VAX1: variants seen among roughly 807,000 people sequenced by gnomAD.
VAX1 encodes the protein ventral anterior homeobox 1.
Under a neutral mutation model 17.6 loss-of-function variants are expected in VAX1, and 6 were observed. The ratio of observed to expected loss-of-function variants is 0.34; its 90% CI spans 0.19 to 0.67. VAX1 has a LOEUF of 0.67. VAX1 is among the 30% of genes least tolerant of loss of function. The pLI is 0.69. For missense variants in VAX1, 408 were observed against 463.7 expected (o/e 0.88, Z 1.10); for synonymous variants, 256 against 227.4 (o/e 1.13, Z -1.13).
At chr10:117,129,865 A>G (rs1290304143), downstream of VAX1, 1 of 151,730 alleles carries the variant, frequency 6.6e-6, no homozygotes, top group Non-Finnish European at 1.5e-5. Flanking sequence ...AGGAAAAAAA[A>G]AGGAAGGAGG....
In VAX1 at chr10:117,134,931, G is replaced by T. The variant is rs189554716; in HGVS notation, c.430-348C>A. Among the ~76,000 whole-genome samples the T allele has an allele frequency of 6.6e-6, 1 of 152,154 alleles. No individual in the cohort carries two copies. Among genetic ancestry groups the T allele is most frequent in the Non-Finnish European group, 1.5e-5 (1 of 68,046 alleles). On this transcript the variant is annotated intron_variant, in intron 2 of 2. Transcript: ENST00000369206. The surrounding 1 kb of genome is among the most constrained non-coding windows in gnomAD (Gnocchi z 6.2). ...GCGCTACCCCGCAGCGGTGTTTGGGGCTCACAGATGTGTGAATCAGTGCAG... is the reference window on the plus strand; with the variant it reads ...GCGCTACCCCGCAGCGGTGTTTGGGTCTCACAGATGTGTGAATCAGTGCAG...
At chr10:117,132,281 TTTC>T (rs754951359), downstream of VAX1, 6 of 1,614,024 alleles carry the variant, frequency 3.7e-6, no homozygotes, top group East Asian at 6.7e-5. This position sits in a 1 kb window ranked among gnomAD's most constrained non-coding sequence, Gnocchi z 4.9. Flanking sequence ...CTTTCTTCCT[TTTC>T]TTCTTTTGTT....
downstream of VAX1, chr10:117,129,479 TC>T (rs1481572002): frequency 1.3e-5 from 2 of 152,636 alleles, no homozygotes; most frequent in Non-Finnish European, 2.9e-5. Context: ...CTAAAATCCT[TC>T]AAGAAATCTT....
In VAX1 at chr10:117,136,597, T is replaced by G. The variant is rs2133662676; in HGVS notation, c.304A>C (p.Arg102=). 1 of 1,613,728 alleles carries G rather than the reference T, an allele frequency of 6.2e-7. No homozygotes were observed. The highest frequency in any genetic ancestry group is 1.3e-5 in the African/African-American group (1 of 75,034). ...PKGLDLDRPK[R]TRTSFTAEQL... is the part of the protein sequence containing the mutation. ...TCCGCGGTGAAGGACGTGCGCGTCCTCTTAGGCCGGTCCAAGTCCAGGCCC... is the reference window on the plus strand; with the variant it reads ...TCCGCGGTGAAGGACGTGCGCGTCCGCTTAGGCCGGTCCAAGTCCAGGCCC... The change falls in exon 2 of 3, where the codon AGG becomes CGG. Residue 102 remains arginine (R), a synonymous_variant. Coordinates refer to ENST00000369206, the MANE Select transcript of VAX1 (RefSeq NM_001112704.2). This position sits in a 1 kb window ranked among gnomAD's most constrained non-coding sequence, Gnocchi z 5.0.
At chr10:117,135,379 A>G (rs891484698) in intron 2 of VAX1, among the ~76,000 whole-genome samples, 1 of 152,194 alleles carries the variant, frequency 6.6e-6, no homozygotes, top group Non-Finnish European at 1.5e-5. Flanking sequence ...TGGATTGAAT[A>G]TTCCCCACTA....
chr10:117,131,653 C>G (rs1434635410), downstream of VAX1: 1 of 152,402 alleles, frequency 6.6e-6, no homozygotes, highest in Admixed American at 6.5e-5. Flanking sequence ...GCGCGGACTT[C>G]GCCCCGTGCT....
In VAX1 at chr10:117,137,696, C is replaced by A; in HGVS notation, c.241+120G>T. 1 of 1,578,566 alleles carries A rather than the reference C, an allele frequency of 6.3e-7. No individual in the cohort carries two copies. Among genetic ancestry groups the A allele is most frequent in the South Asian group, 1.1e-5 (1 of 88,646 alleles). Reference sequence around the variant, plus strand: ...CCGGACTCGGGGCGGGGAGGGCCAACAACTTTCTCCCAAGTCCCAGCCGGC... The same window carrying A: ...CCGGACTCGGGGCGGGGAGGGCCAAAAACTTTCTCCCAAGTCCCAGCCGGC... On this transcript the variant is annotated intron_variant, in intron 1 of 2. Coordinates refer to ENST00000369206, the MANE Select transcript of VAX1 (RefSeq NM_001112704.2). The surrounding 1 kb of genome is among the most constrained non-coding windows in gnomAD (Gnocchi z 7.4).
Position 117,136,397 on chromosome 10 carries a change from GT to G in VAX1, c.429+74del. On this transcript the variant is annotated intron_variant, in intron 2 of 2. Coordinates refer to ENST00000369206, the MANE Select transcript of VAX1 (RefSeq NM_001112704.2). This position sits in a 1 kb window ranked among gnomAD's most constrained non-coding sequence, Gnocchi z 5.0. The stretch of plus-strand genomic sequence containing the variant: ...AGTTCTGTCCAGAGCAGGTTAGGAG[GT>G]GAAGAGCAGGCTAGGTAGGGGTGGT... 2 of 1,576,926 alleles carry G rather than the reference GT, an allele frequency of 1.3e-6. No individual in the cohort carries two copies. The highest frequency in any genetic ancestry group is 4.5e-5 in the East Asian group (2 of 44,348).
chr10:117,134,793 C>T lies in VAX1; in HGVS notation c.430-210G>A, dbSNP rs1306048604. ...GGGACACAGCTGCTCCACCGGGCTG[C>T]GCTTCCGGGTCAGGGAAGCAGGCCC... On this transcript the variant is annotated intron_variant, in intron 2 of 2. Transcript: ENST00000369206. The surrounding 1 kb of genome is among the most constrained non-coding windows in gnomAD (Gnocchi z 6.2). 6.6e-6 allele frequency among the ~76,000 whole-genome samples: 1 copy of T among 152,064 alleles called. No homozygotes were observed. Among genetic ancestry groups the T allele is most frequent in the Non-Finnish European group, 1.5e-5 (1 of 68,002 alleles).
rs1854178061 is a variant in VAX1, at chr10:117,136,340, C to G, written c.429+132G>C. Reference sequence around the variant, plus strand: ...AAGGAATCCTTAGGCCTGTCTTACCCATCCTTCCCATCTCCTCCACCTCCC... The same window carrying G: ...AAGGAATCCTTAGGCCTGTCTTACCGATCCTTCCCATCTCCTCCACCTCCC... On this transcript the variant is annotated intron_variant, in intron 2 of 2. Transcript: ENST00000369206. The surrounding 1 kb of genome is among the most constrained non-coding windows in gnomAD (Gnocchi z 5.0). The G allele has an allele frequency of 1.9e-6, 2 of 1,080,756 alleles. No individual in the cohort carries two copies. Among genetic ancestry groups the G allele is most frequent in the Admixed American group, 5.4e-5 (2 of 36,714 alleles). 66.9% of individuals were successfully genotyped at this position (1,080,756 alleles called of 1,614,324 possible).
Position 117,133,785 on chromosome 10 carries a change from G to A in VAX1, c.*223C>T. The A allele has an allele frequency of 4.6e-6, 6 of 1,310,980 alleles. No homozygotes were observed. Among genetic ancestry groups the A allele is most frequent in the South Asian group, 4.2e-5 (2 of 47,940 alleles). The allele number at this position is 1,310,980 out of a possible 1,614,324, so 81.2% of individuals were successfully genotyped here. A position where few individuals can be genotyped will look rare whatever the true frequency, so the allele number is the denominator to read the frequency against. ...TTTGGATCGCTCCTGGATTCAGAAG[G>A]AAGTTGGGGGTTGGGGAGGAATCTC... is the stretch of plus-strand genomic sequence containing the variant. On this transcript the variant is annotated 3_prime_UTR_variant, in exon 3 of 3. Coordinates refer to ENST00000369206, the MANE Select transcript of VAX1 (RefSeq NM_001112704.2).
At position 117,134,596 on chromosome 10, in the gene VAX1, G is replaced by T; in HGVS notation, c.430-13C>A. ...ACCAGACCTTCACCTGCGCGCCGGG[G>T]TGCGGGGAGAGTTGGAGAGAGGGGC... On this transcript the variant is annotated splice_polypyrimidine_tract_variant and intron_variant, in intron 2 of 2. Transcript: ENST00000369206. This position sits in a 1 kb window ranked among gnomAD's most constrained non-coding sequence, Gnocchi z 6.2. 6.6e-7 allele frequency: 1 copy of T among 1,515,044 alleles called. No homozygotes were observed. The highest frequency in any genetic ancestry group is 1.2e-5 in the South Asian group (1 of 81,914). The allele number at this position is 1,515,044 out of a possible 1,614,324, so 93.9% of individuals were successfully genotyped here. A position where few individuals can be genotyped will look rare whatever the true frequency, so the allele number is the denominator to read the frequency against.
Position 117,136,383 on chromosome 10 carries a change from G to C in VAX1, c.429+89C>G. 6.6e-7 allele frequency: 1 copy of C among 1,525,910 alleles called. No homozygotes were observed. The highest frequency in any genetic ancestry group is 1.2e-5 in the South Asian group (1 of 86,764). The allele number at this position is 1,525,910 out of a possible 1,614,324, so 94.5% of individuals were successfully genotyped here. Reference sequence around the variant, plus strand: ...CACCTCCCAAGGGTAGTTCTGTCCAGAGCAGGTTAGGAGGTGAAGAGCAGG... The same window carrying C: ...CACCTCCCAAGGGTAGTTCTGTCCACAGCAGGTTAGGAGGTGAAGAGCAGG... On this transcript the variant is annotated intron_variant, in intron 2 of 2. Transcript: ENST00000369206. The surrounding 1 kb of genome is among the most constrained non-coding windows in gnomAD (Gnocchi z 5.0).
downstream of VAX1, chr10:117,132,481 G>GAAA: frequency 4.7e-6 from 6 of 1,279,138 alleles, no homozygotes; most frequent in Admixed American, 2.2e-5. This position sits in a 1 kb window ranked among gnomAD's most constrained non-coding sequence, Gnocchi z 4.9. Flanking sequence ...TATTTGCCTA[G>GAAA]AAAAAAAAAA....
chr10:117,132,238 A>G (rs1453220104), downstream of VAX1: 1 of 1,614,010 alleles, frequency 6.2e-7, no homozygotes, highest in African/African-American at 1.3e-5. This position sits in a 1 kb window ranked among gnomAD's most constrained non-coding sequence, Gnocchi z 4.9. Flanking sequence ...CTGCCCCCGG[A>G]GTCCCCACGC....
Position 117,136,575 on chromosome 10 carries a change from G to A in VAX1, c.326C>T (p.Ala109Val), listed in dbSNP as rs1377337113. ...RPKRTRTSFT[A>V]EQLYRLEMEF... is the part of the protein sequence containing the mutation. ...CATCTCCAGCCGATAGAGCTGCTCCGCGGTGAAGGACGTGCGCGTCCTCTT... is the reference window on the plus strand; with the variant it reads ...CATCTCCAGCCGATAGAGCTGCTCCACGGTGAAGGACGTGCGCGTCCTCTT... The change falls in exon 2 of 3, where the codon GCG becomes GTG. Residue 109 changes from alanine (A) to valine (V), a missense_variant. Coordinates refer to ENST00000369206, the MANE Select transcript of VAX1 (RefSeq NM_001112704.2). The surrounding 1 kb of genome is among the most constrained non-coding windows in gnomAD (Gnocchi z 5.0). The A allele has an allele frequency of 6.2e-7, 1 of 1,613,936 alleles. No homozygotes were observed. Among genetic ancestry groups the A allele is most frequent in the Admixed American group, 1.7e-5 (1 of 60,032 alleles).
chr10:117,133,678 A>G lies in VAX1; in HGVS notation c.*330T>C. 1 of 1,057,256 alleles carries G rather than the reference A, an allele frequency of 9.5e-7. No homozygotes were observed. The highest frequency in any genetic ancestry group is 1.1e-6 in the Non-Finnish European group (1 of 877,676). The allele number at this position is 1,057,256 out of a possible 1,614,324, so 65.5% of individuals were successfully genotyped here. A position where few individuals can be genotyped will look rare whatever the true frequency, so the allele number is the denominator to read the frequency against. Reference sequence around the variant, plus strand: ...CTAGAGCAAACGTCCTGTGCTTTGGAGTTAGAACCAGTCTTTTCCCTCCTG... The same window carrying G: ...CTAGAGCAAACGTCCTGTGCTTTGGGGTTAGAACCAGTCTTTTCCCTCCTG... On this transcript the variant is annotated 3_prime_UTR_variant, in exon 3 of 3. Coordinates refer to ENST00000369206, the MANE Select transcript of VAX1 (RefSeq NM_001112704.2).
chr10:117,137,670 G>T lies in VAX1; in HGVS notation c.241+146C>A. 2 of 1,526,550 alleles carry T rather than the reference G, an allele frequency of 1.3e-6. No homozygotes were observed. Among genetic ancestry groups the T allele is most frequent in the East Asian group, 2.4e-5 (1 of 41,686 alleles). The allele number at this position is 1,526,550 out of a possible 1,614,324, so 94.6% of individuals were successfully genotyped here. A position where few individuals can be genotyped will look rare whatever the true frequency, so the allele number is the denominator to read the frequency against. ...GGAGAGTCCCAGGCGCTTGTCCCCA[G>T]CCGGACTCGGGGCGGGGAGGGCCAA... On this transcript the variant is annotated intron_variant, in intron 1 of 2. Coordinates refer to ENST00000369206, the MANE Select transcript of VAX1 (RefSeq NM_001112704.2). This position sits in a 1 kb window ranked among gnomAD's most constrained non-coding sequence, Gnocchi z 7.4.
chr10:117,136,018 G>A lies in VAX1; in HGVS notation c.429+454C>T, dbSNP rs1045370611. 6.6e-6 allele frequency among the ~76,000 whole-genome samples: 1 copy of A among 152,258 alleles called. No individual in the cohort carries two copies. Among genetic ancestry groups the A allele is most frequent in the African/African-American group, 2.4e-5 (1 of 41,480 alleles). On this transcript the variant is annotated intron_variant, in intron 2 of 2. Transcript: ENST00000369206. This position sits in a 1 kb window ranked among gnomAD's most constrained non-coding sequence, Gnocchi z 5.0. Reference sequence around the variant, plus strand: ...ATCACCCATGGTGCTGGGGCAGGGGGTGTTAGATCTAGCCTCACTCCTGTA... The same window carrying A: ...ATCACCCATGGTGCTGGGGCAGGGGATGTTAGATCTAGCCTCACTCCTGTA...
Sources: allele counts gnomAD v4.1 joint callset (sites outside exome capture counted in the v4.1 genomes callset), GRCh38; gene constraint gnomAD v4.1.1; non-coding constraint Gnocchi (gnomAD v3.1); transcripts MANE v1.5; gene names NCBI Gene and HGNC (gene_info 2026-07-23, HGNC 2026-07-21).